IFT122: variants seen among roughly 807,000 people sequenced by gnomAD.
IFT122 encodes intraflagellar transport protein 122 homolog.
Under a neutral mutation model 161.6 loss-of-function variants are expected in IFT122, and 118 were observed. That is an observed-to-expected ratio of 0.73 (90% CI 0.63 to 0.85). The LOEUF (loss-of-function observed/expected upper bound fraction) is 0.85. IFT122 is among the 40% of genes least tolerant of loss of function. IFT122 has a pLI of 0.00. For missense variants in IFT122, 1,381 were observed against 1,579.6 expected (o/e 0.87, Z 2.13); for synonymous variants, 550 against 602.4 (o/e 0.91, Z 1.27).
chr3:129,481,182 TGTTA>T (rs1344674079), intron 13 of IFT122, among the ~76,000 whole-genome samples: 1 of 152,206 alleles, frequency 6.6e-6, no homozygotes, highest in Non-Finnish European at 1.5e-5. Flanking sequence ...CTTTTTCCTG[TGTTA>T]GTTCGTGACT....
In IFT122 at chr3:129,519,600, G is replaced by C. The variant is rs368239028; in HGVS notation, c.3504G>C (p.Val1168=). 1.5e-5 allele frequency: 24 copies of C among 1,613,422 alleles called. No homozygotes were observed. The highest frequency in any genetic ancestry group is 2.0e-5 in the Non-Finnish European group (24 of 1,180,022). ...QGGSEFVPVV[V]SRLVLRSMSR... ...GCTCAGAGTTCGTGCCAGTGGTGGT[G>C]AGCCGGCTGGTGCTGCGCTCCATGA... The change falls in exon 29 of 30, where the codon GTG becomes GTC. Residue 1168 remains valine (V), a synonymous_variant. Coordinates refer to ENST00000348417, the MANE Select transcript of IFT122 (RefSeq NM_052989.3).
intron 11 of IFT122, 50 bp from the exon 12 acceptor site, chr3:129,477,966 A>T: frequency 6.7e-7 from 1 of 1,481,930 alleles, no homozygotes; most frequent in Non-Finnish European, 9.4e-7. Context: ...TCTGCCTTGC[A>T]CCTTACATAA....
chr3:129,455,152 C>G (rs2075318236), intron 3 of IFT122, among the ~76,000 whole-genome samples: 2 of 151,662 alleles, frequency 1.3e-5, no homozygotes, highest in Admixed American at 1.3e-4. Flanking sequence ...TTTCTGATTT[C>G]TCCTTTAAGT....
At chr3:129,464,287 A>C (rs971288966) in intron 6 of IFT122, among the ~76,000 whole-genome samples, 1 of 152,144 alleles carries the variant, frequency 6.6e-6, no homozygotes, top group Non-Finnish European at 1.5e-5. Flanking sequence ...TCTGTTCTTA[A>C]GGTGCTCTTT....
intron 18 of IFT122, among the ~76,000 whole-genome samples, chr3:129,498,966 C>T (rs1464432750): frequency 1.3e-5 from 2 of 152,332 alleles, no homozygotes; most frequent in Non-Finnish European, 2.9e-5. Flanking sequence ...GGCTGTTTCT[C>T]ACACATTGTA....
At chr3:129,450,015 T>C (rs902639255) in intron 2 of IFT122, 78 bp downstream of exon 2, 22 of 920,370 alleles carry the variant, frequency 2.4e-5, no homozygotes, top group Non-Finnish European at 3.7e-5. Flanking sequence ...TTGACCCTTT[T>C]TTTTTTTTTT....
chr3:129,441,476 C>T (rs1435772394), intron 1 of IFT122, among the ~76,000 whole-genome samples: 2 of 152,160 alleles, frequency 1.3e-5, no homozygotes, highest in Non-Finnish European at 2.9e-5. Context: ...ATAATTTCCT[C>T]TATTTTATGT....
At chr3:129,466,187 G>C (rs2076753805) in intron 7 of IFT122, among the ~76,000 whole-genome samples, 1 of 152,090 alleles carries the variant, frequency 6.6e-6, no homozygotes, top group African/African-American at 2.4e-5. Flanking sequence ...TAAACGAAAG[G>C]TCCTACTTGT....
intron 23 of IFT122, among the ~76,000 whole-genome samples, chr3:129,509,944 C>A (rs73204237): frequency 6.6e-6 from 1 of 152,248 alleles, no homozygotes; most frequent in Non-Finnish European, 1.5e-5. Flanking sequence ...GAGGATTAGA[C>A]GAGTTAATAT....
At chr3:129,464,906 T>C (rs1577408421) in intron 7 of IFT122, 125 bp downstream of exon 7, 2 of 1,089,944 alleles carry the variant, frequency 1.8e-6, no homozygotes, top group East Asian at 2.4e-5. Context: ...TTAGAACCTG[T>C]CCCATTTGTA....
intron 28 of IFT122, 104 bp from the exon 29 acceptor site, chr3:129,519,464 A>G: frequency 1.4e-6 from 2 of 1,472,660 alleles, no homozygotes; most frequent in Non-Finnish European, 1.9e-6. Flanking sequence ...TTTAGGAAGC[A>G]GGTCCTCTCT....
At chr3:129,514,108 C>A in intron 24 of IFT122, 1 of 498,792 alleles carries the variant, frequency 2.0e-6, no homozygotes, top group Admixed American at 2.7e-5. Flanking sequence ...TTGGCCTAGT[C>A]AGGGTATAAG....
In IFT122 at chr3:129,440,823, C is replaced by T. The variant is rs192816430; in HGVS notation, c.41+452C>T. Among the ~76,000 whole-genome samples, 5 of 152,368 alleles carry T rather than the reference C, an allele frequency of 3.3e-5. No individual in the cohort carries two copies. In the East Asian group the frequency reaches 9.6e-4, roughly 29 times the overall value. On this transcript the variant is annotated intron_variant, in intron 1 of 29. Coordinates refer to ENST00000348417, the MANE Select transcript of IFT122 (RefSeq NM_052989.3). ...TTACTCCATTTATGAAAACCAGTGT[C>T]ACTTGCTCTAAATGTTAAGATAAAA...
intron 18 of IFT122, among the ~76,000 whole-genome samples, chr3:129,498,052 C>T (rs555947193): frequency 2.1e-4 from 32 of 152,204 alleles, no homozygotes; most frequent in Non-Finnish European, 3.4e-4. Context: ...TCAGCACAGC[C>T]TCTTTCTGTC....
Position 129,515,598 on chromosome 3 carries a change from C to T in IFT122, c.3264C>T (p.Tyr1088=), listed in dbSNP as rs372010517. The change falls in exon 26 of 30, where the codon TAC becomes TAT. Residue 1088 remains tyrosine (Y), a splice_region_variant and synonymous_variant. Transcript: ENST00000348417. ...RQPFIFSASS[Y]DVLHLVEFYL... is the part of the protein sequence containing the mutation. ...CCTTCATCTTCTCCGCCTCTTCCTA[C>T]GGTGAGTCCCTGCATCCTGAGCATG... 1.6e-5 allele frequency: 23 copies of T among 1,451,716 alleles called. No individual in the cohort carries two copies. The highest frequency in any genetic ancestry group is 4.6e-5 in the East Asian group (2 of 43,774). The allele number at this position is 1,451,716 out of a possible 1,614,324, so 89.9% of individuals were successfully genotyped here. A position where few individuals can be genotyped will look rare whatever the true frequency, so the allele number is the denominator to read the frequency against.
At chr3:129,516,331 A>ACG (rs2083598489) in intron 26 of IFT122, among the ~76,000 whole-genome samples, 1 of 140,538 alleles carries the variant, frequency 7.1e-6, no homozygotes, top group Non-Finnish European at 1.5e-5. Context: ...GCACACACAC[A>ACG]GAGACTGCCC....
At chr3:129,494,397 G>A (rs985946043) in intron 17 of IFT122, among the ~76,000 whole-genome samples, 20 of 152,016 alleles carry the variant, frequency 1.3e-4, no homozygotes, top group African/African-American at 4.6e-4. Flanking sequence ...CCAACTATTA[G>A]GAGTTAGTTT....
chr3:129,456,017 T>A, intron 3 of IFT122: 1 of 419,902 alleles, frequency 2.4e-6, no homozygotes, highest in Non-Finnish European at 4.9e-6. Flanking sequence ...CTCATGTTGT[T>A]CAGGGGTCAA....
chr3:129,458,527 T>G, intron 3 of IFT122, 72 bp from the exon 4 acceptor site: 1 of 1,311,324 alleles, frequency 7.6e-7, no homozygotes, highest in Non-Finnish European at 1.1e-6. Context: ...GAACTAGTTT[T>G]CTAAAGAATT....
Sources: gnomAD v4.1 joint callset for allele counts (sites outside exome capture counted in the v4.1 genomes callset) on GRCh38, gnomAD v4.1.1 for gene constraint, MANE v1.5 for transcripts, NCBI Gene and HGNC (gene_info 2026-07-23, HGNC 2026-07-21) for gene names.